PRKAR2B: variants seen among roughly 807,000 people sequenced by gnomAD.
PRKAR2B encodes the protein protein kinase cAMP-dependent type II regulatory subunit beta, also known as cAMP-dependent protein kinase type II-beta regulatory subunit.
PRKAR2B carries 14 observed loss-of-function variants against 49.9 expected under a neutral mutation model. The observed-to-expected ratio is 0.28, with a 90% confidence interval of 0.19 to 0.44. The LOEUF (loss-of-function observed/expected upper bound fraction) is 0.44, where lower values mean the gene tolerates loss of function less well. Ranked by LOEUF, PRKAR2B falls within the 20% of genes least tolerant of loss-of-function variation. The pLI is 1.00. For missense variants in PRKAR2B, 393 were observed against 537.9 expected, an observed-to-expected ratio of 0.73 and a Z score of 2.67; for synonymous variants, 196 against 197.7, an observed-to-expected ratio of 0.99 and a Z score of 0.07.
At chr7:107,150,830 T>C in intron 6 of PRKAR2B, 92 bp from the exon 7 acceptor site, 1 of 631,046 alleles carries the variant, frequency 1.6e-6, no homozygotes, top group Non-Finnish European at 2.7e-6. Context: ...TATTTCAGAA[T>C]CTTCAATCAT....
At chr7:107,141,456 C>T (rs1267491506) in intron 5 of PRKAR2B, among the ~76,000 whole-genome samples, 2 of 152,088 alleles carry the variant, frequency 1.3e-5, no homozygotes, top group Non-Finnish European at 2.9e-5. Context: ...TTTGGGAAGC[C>T]GAGGCCAGTG....
chr7:107,128,060 A>G, intron 3 of PRKAR2B, 152 bp from the exon 4 acceptor site: 2 of 605,682 alleles, frequency 3.3e-6, no homozygotes, highest in Non-Finnish European at 2.9e-6. Flanking sequence ...ACCAGTCACC[A>G]AAAGTGAATC....
chr7:107,145,200 G>A (rs1269361776), intron 5 of PRKAR2B, among the ~76,000 whole-genome samples: 8 of 152,162 alleles, frequency 5.3e-5, no homozygotes, highest in Non-Finnish European at 1.2e-4. Flanking sequence ...TATGTTCTCT[G>A]TTGTAACTAC....
intron 1 of PRKAR2B, among the ~76,000 whole-genome samples, chr7:107,048,970 C>T (rs1224308041): frequency 6.6e-6 from 1 of 152,228 alleles, no homozygotes; most frequent in Non-Finnish European, 1.5e-5. Flanking sequence ...CTGTCTCCCT[C>T]TTCCCCGTCC....
intron 2 of PRKAR2B, among the ~76,000 whole-genome samples, chr7:107,117,204 C>A (rs997379802): frequency 6.6e-6 from 1 of 151,872 alleles, no homozygotes; most frequent in Non-Finnish European, 1.5e-5. Flanking sequence ...TTGATGCATG[C>A]CTTCAACTAA....
intron 1 of PRKAR2B, among the ~76,000 whole-genome samples, chr7:107,061,164 T>C (rs925862836): frequency 2.0e-5 from 3 of 152,186 alleles, no homozygotes; most frequent in East Asian, 3.9e-4. Flanking sequence ...TCTTGATATA[T>C]GGTATGGTAA....
chr7:107,131,899 C>A (rs996975069), intron 4 of PRKAR2B, among the ~76,000 whole-genome samples: 1 of 152,186 alleles, frequency 6.6e-6, no homozygotes, highest in African/African-American at 2.4e-5. Flanking sequence ...GCTTATCATG[C>A]AGCTCCTTTC....
rs183586385 is a variant in PRKAR2B, at chr7:107,096,124, G to A, written c.343+25808G>A. ...TCTGGTAGAATTTGGCTGTGAATCC[G>A]TCTGGTCCTGGACTCTTTTTGGTTA... On this transcript the variant is annotated intron_variant, in intron 2 of 10. Coordinates refer to ENST00000265717, the MANE Select transcript of PRKAR2B (RefSeq NM_002736.3). Among the ~76,000 whole-genome samples the A allele has an allele frequency of 4.1e-4, 62 of 152,228 alleles. 1 individual carries two copies. Among genetic ancestry groups the A allele is most frequent in the Middle Eastern group, 6.8e-3 (2 of 294 alleles).
chr7:107,056,595 C>T (rs1386792280), intron 1 of PRKAR2B, among the ~76,000 whole-genome samples: 2 of 152,162 alleles, frequency 1.3e-5, no homozygotes, highest in Non-Finnish European at 2.9e-5. Flanking sequence ...TGGGAGTTCA[C>T]TCATGATTTG....
intron 1 of PRKAR2B, among the ~76,000 whole-genome samples, chr7:107,067,583 G>T (rs1794178605): frequency 6.6e-6 from 1 of 152,154 alleles, no homozygotes; most frequent in Non-Finnish European, 1.5e-5. Flanking sequence ...TTTATAGCAA[G>T]TAAAATGTAT....
At chr7:107,110,256 A>G (rs550509482) in intron 2 of PRKAR2B, among the ~76,000 whole-genome samples, 69 of 152,226 alleles carry the variant, frequency 4.5e-4, no homozygotes, top group Non-Finnish European at 7.6e-4. Context: ...GCCCATCCCA[A>G]CAGTTGGAAA....
chr7:107,100,688 T>G (rs1410772202), intron 2 of PRKAR2B, among the ~76,000 whole-genome samples: 2 of 152,172 alleles, frequency 1.3e-5, no homozygotes, highest in African/African-American at 4.8e-5. Flanking sequence ...ATTCTTTTTT[T>G]CCGTTTTTCA....
intron 2 of PRKAR2B, among the ~76,000 whole-genome samples, chr7:107,097,779 G>A (rs963783625): frequency 4.6e-5 from 7 of 152,100 alleles, no homozygotes; most frequent in Non-Finnish European, 1.5e-5. Flanking sequence ...AGCTTAGTTT[G>A]GCTGGATATG....
chr7:107,059,840 T>C (rs1793992049), intron 1 of PRKAR2B, among the ~76,000 whole-genome samples: 1 of 152,152 alleles, frequency 6.6e-6, no homozygotes, highest in African/African-American at 2.4e-5. Flanking sequence ...AAAATTATAA[T>C]AATACTTCTA....
chr7:107,132,374 A>C (rs1239568492), intron 4 of PRKAR2B, among the ~76,000 whole-genome samples: 1 of 152,242 alleles, frequency 6.6e-6, no homozygotes, highest in East Asian at 1.9e-4. Context: ...AGTTTTAGTC[A>C]GAGAATGTAA....
intron 2 of PRKAR2B, among the ~76,000 whole-genome samples, chr7:107,101,040 T>A (rs1794952464): frequency 6.6e-6 from 1 of 152,090 alleles, no homozygotes; most frequent in African/African-American, 2.4e-5. Context: ...CCTGTTTCTC[T>A]GCATATCTTA....
At chr7:107,060,335 G>A (rs930844642) in intron 1 of PRKAR2B, among the ~76,000 whole-genome samples, 2 of 152,170 alleles carry the variant, frequency 1.3e-5, no homozygotes, top group Non-Finnish European at 2.9e-5. Flanking sequence ...TGTTGCACCA[G>A]TTTGTACTGT....
chr7:107,069,019 C>T (rs1794209076), intron 1 of PRKAR2B, among the ~76,000 whole-genome samples: 1 of 152,146 alleles, frequency 6.6e-6, no homozygotes, highest in Non-Finnish European at 1.5e-5. Flanking sequence ...ACTGCAACCT[C>T]TGCCTCCTGG....
intron 2 of PRKAR2B, among the ~76,000 whole-genome samples, chr7:107,093,802 GA>G (rs1350814117): frequency 1.3e-5 from 2 of 152,010 alleles, no homozygotes; most frequent in East Asian, 3.9e-4. Flanking sequence ...CAGAATGATG[GA>G]TTCCAGCTTC....
Sources: allele counts gnomAD v4.1 joint callset (sites outside exome capture counted in the v4.1 genomes callset), GRCh38; gene constraint gnomAD v4.1.1; transcripts MANE v1.5; gene names NCBI Gene and HGNC (gene_info 2026-07-23, HGNC 2026-07-21).